CCDC88B: variants seen among roughly 807,000 people sequenced by gnomAD.
CCDC88B encodes coiled-coil and HOOK domain protein 88B.
In CCDC88B, 138 loss-of-function variants were observed where a neutral mutation model predicts 183.7. That is an observed-to-expected ratio of 0.75 (90% CI 0.65 to 0.87). The LOEUF (loss-of-function observed/expected upper bound fraction) is 0.87. CCDC88B is among the 40% of genes least tolerant of loss of function. The pLI is 0.00. For synonymous variants in CCDC88B, 835 were observed against 867.5 expected (o/e 0.96, Z 0.66); for missense variants, 1,822 against 1,965.6 (o/e 0.93, Z 1.38).
In CCDC88B at chr11:64,349,331, G is replaced by T; in HGVS notation, c.2617G>T (p.Glu873Ter). 6.2e-7 allele frequency: 1 copy of T among 1,604,020 alleles called. No homozygotes were observed. ...ERREKEALQA[E>*]LEKAVVRGKE... is the part of the protein sequence containing the mutation. ...CTGAGCCTGCTCTGCTTGCCCTCAG[G>T]AGCTGGAGAAAGCTGTGGTGCGGGG... The change falls in exon 15 of 27, where the codon GAG becomes TAG. Residue 873 changes from glutamate (E) to a stop codon, truncating the protein, a stop_gained and splice_region_variant. Coordinates refer to ENST00000356786, the MANE Select transcript of CCDC88B (RefSeq NM_032251.6). LOFTEE classifies it high-confidence loss of function.
rs1184816719 is a variant in CCDC88B, at chr11:64,349,255, GCTCTCTTGA to G, written c.2617-70_2617-62del. The G allele has an allele frequency of 2.0e-6, 3 of 1,470,356 alleles. No individual in the cohort carries two copies. The African/African-American group carries it at 4.2e-5, about 21-fold the overall frequency. 91.1% of individuals were successfully genotyped at this position (1,470,356 alleles called of 1,614,324 possible). On this transcript the variant is annotated intron_variant, in intron 14 of 26. Coordinates refer to ENST00000356786, the MANE Select transcript of CCDC88B (RefSeq NM_032251.6). ...ATGGCAGGTCAAGGACAGAAAGGCA[GCTCTCTTGA>G]CTCTCAGGCCTCTGTCTCCGGCTGT...
chr11:64,342,275 A>T lies in CCDC88B; in HGVS notation c.822-19A>T, dbSNP rs1289776127. ...GGTTGTGGGCCCCCAGACCCTCCCT[A>T]GACTCCCCTTCCCTCCAGGGAGGAG... On this transcript the variant is annotated intron_variant, in intron 8 of 26. Coordinates refer to ENST00000356786, the MANE Select transcript of CCDC88B (RefSeq NM_032251.6). The T allele has an allele frequency of 6.3e-7, 1 of 1,576,704 alleles. No individual in the cohort carries two copies.
intron 14 of CCDC88B, among the ~76,000 whole-genome samples, chr11:64,348,307 T>A (rs369995899): frequency 1.2e-4 from 12 of 102,098 alleles, no homozygotes; most frequent in South Asian, 6.8e-4. Flanking sequence ...AGAAGGTGGC[T>A]GGCCAGGGGG....
chr11:64,355,109 T>A (rs1268235769), intron 24 of CCDC88B, 85 bp from the exon 25 acceptor site: 10 of 461,490 alleles, frequency 2.2e-5, no homozygotes, highest in Admixed American at 4.5e-4. Context: ...AGCCTCAGCC[T>A]CCCCCCATTC....
Position 64,343,837 on chromosome 11 carries a change from C to T in CCDC88B, c.1378C>T (p.Arg460Trp), listed in dbSNP as rs748348228. The T allele has an allele frequency of 2.9e-5, 46 of 1,596,972 alleles. No homozygotes were observed. Among genetic ancestry groups the T allele is most frequent in the South Asian group, 5.6e-5 (5 of 88,588 alleles). Residue 460 changes from arginine (R) to tryptophan (W), a missense_variant, in exon 13 of 27, where the codon CGG becomes TGG. Physicochemically the swap from Arg to Trp is moderately radical, Grantham distance 101 (BLOSUM62 -3). Coordinates refer to ENST00000356786, the MANE Select transcript of CCDC88B (RefSeq NM_032251.6). ...TGAGGTGAGGGAGGCAGAGGCTGGG[C>T]GGCTTCGGACCCTTGAGAGGGAGAA... ...QDEVREAEAG[R>W]LRTLERENRE...
At position 64,342,613 on chromosome 11, in the gene CCDC88B, T is replaced by C; in HGVS notation, c.995T>C (p.Leu332Pro). The change falls in exon 10 of 27, where the codon CTG (leucine) becomes CCG (proline). Residue 332 changes from leucine (L) to proline (P), a missense_variant. Leu to Pro is a moderately conservative substitution (Grantham distance 98). Transcript: ENST00000356786. ...GAGCGGGCCGGCCGCCTGCCCCGCCTGCAGGAGGAGCTGAGGCGCTGCCGC... is the reference window on the plus strand; with the variant it reads ...GAGCGGGCCGGCCGCCTGCCCCGCCCGCAGGAGGAGCTGAGGCGCTGCCGC... ...LRERAGRLPRLQEELRRCRER... is the reference protein window; with the variant it reads ...LRERAGRLPRPQEELRRCRER... 1 of 1,530,790 alleles carries C rather than the reference T, an allele frequency of 6.5e-7. No homozygotes were observed. Among genetic ancestry groups the C allele is most frequent in the South Asian group, 1.2e-5 (1 of 83,750 alleles). The allele number at this position is 1,530,790 out of a possible 1,614,324, so 94.8% of individuals were successfully genotyped here.
chr11:64,353,092 G>A lies in CCDC88B; in HGVS notation c.3539G>A (p.Gly1180Asp). The change falls in exon 21 of 27, where the codon GGT becomes GAT. Residue 1180 changes from glycine to aspartate, a missense_variant. Transcript: ENST00000356786. The part of the protein sequence containing the change: ...MLLAELSRER[G>D]ELQGERGELR... ...CTGGCAGAGTTGTCTCGGGAGCGGG[G>A]TGAGCTGCAGGGTGAACGCGGGGAG... 6.2e-7 allele frequency: 1 copy of A among 1,607,074 alleles called. No individual in the cohort carries two copies. Among genetic ancestry groups the A allele is most frequent in the Non-Finnish European group, 8.5e-7 (1 of 1,177,588 alleles).
chr11:64,342,808 G>A, intron 10 of CCDC88B, 128 bp downstream of exon 10: 1 of 1,178,868 alleles, frequency 8.5e-7, no homozygotes, highest in Middle Eastern at 2.4e-4. Flanking sequence ...GGAGAAATGG[G>A]TGAGGACAAA....
At chr11:64,353,585 T>C in intron 22 of CCDC88B, 89 bp downstream of exon 22, 1 of 1,577,180 alleles carries the variant, frequency 6.3e-7, no homozygotes, top group Non-Finnish European at 8.6e-7. Context: ...AGGGACAGGG[T>C]TGGAGCTGAC....
Position 64,341,195 on chromosome 11 carries a change from C to T in CCDC88B, c.388+17C>T, listed in dbSNP as rs778414269. The T allele has an allele frequency of 1.9e-6, 3 of 1,614,098 alleles. No homozygotes were observed. The Admixed American group carries it at 5.0e-5, about 27-fold the overall frequency. ...CTCTCTCAGGTGCTCTCCCCACCCA[C>T]ACCCTCCTGCCTCTGCCCCCGCACT... On this transcript the variant is annotated intron_variant, in intron 4 of 26. Coordinates refer to ENST00000356786, the MANE Select transcript of CCDC88B (RefSeq NM_032251.6).
chr11:64,350,873 A>G (rs1412844992), intron 16 of CCDC88B, among the ~76,000 whole-genome samples: 1 of 152,198 alleles, frequency 6.6e-6, no homozygotes, highest in Non-Finnish European at 1.5e-5. Context: ...CTGTCTCAAA[A>G]CAAAAACAAA....
chr11:64,354,679 G>C (rs1421529170), intron 24 of CCDC88B, among the ~76,000 whole-genome samples: 1 of 56,410 alleles, frequency 1.8e-5, no homozygotes, highest in Non-Finnish European at 3.4e-5. Context: ...CCCCCTCCCT[G>C]CATGAGCCTC....
intron 22 of CCDC88B, 22 bp downstream of exon 22, chr11:64,353,518 G>T: frequency 6.2e-7 from 1 of 1,606,958 alleles, no homozygotes. Context: ...GCCTGGGAGC[G>T]GGGTGGGGCC....
chr11:64,357,106 C>G lies in CCDC88B; in HGVS notation c.*12C>G. 1 of 1,613,724 alleles carries G rather than the reference C, an allele frequency of 6.2e-7. No homozygotes were observed. The highest frequency in any genetic ancestry group is 1.3e-5 in the African/African-American group (1 of 75,028). ...CCCTCAGCCAGTGACACCGTGGGAA[C>G]AGCAGGCTTGGGAGTGCAGCCTTCT... On this transcript the variant is annotated 3_prime_UTR_variant, in exon 27 of 27. Transcript: ENST00000356786.
In CCDC88B at chr11:64,341,158, T is replaced by C. The variant is rs764980094; in HGVS notation, c.368T>C (p.Leu123Ser). ...ILSPPPDLQTLGFDPLSEEAV... is the reference protein window; with the variant it reads ...ILSPPPDLQTSGFDPLSEEAV... The stretch of plus-strand genomic sequence containing the variant: ...TCGCCACCCCCAGACCTCCAGACAT[T>C]GGGATTTGACCCTCTCTCAGGTGCT... Residue 123 changes from leucine (L) to serine (S), a missense_variant, in exon 4 of 27, where the codon TTG becomes TCG. Physicochemically the swap from Leu to Ser is moderately radical, Grantham distance 145. Transcript: ENST00000356786. The C allele has an allele frequency of 6.2e-7, 1 of 1,613,858 alleles. No individual in the cohort carries two copies. Among genetic ancestry groups the C allele is most frequent in the Non-Finnish European group, 8.5e-7 (1 of 1,179,970 alleles).
At chr11:64,348,612 A>G (rs2036208092) in intron 14 of CCDC88B, among the ~76,000 whole-genome samples, 1 of 152,212 alleles carries the variant, frequency 6.6e-6, no homozygotes, top group African/African-American at 2.4e-5. Context: ...TAAGCCAGGA[A>G]GGTAGTTTTC....
chr11:64,345,794 G>T (rs530650712), intron 14 of CCDC88B, among the ~76,000 whole-genome samples: 3 of 152,180 alleles, frequency 2.0e-5, no homozygotes, highest in Non-Finnish European at 4.4e-5. Context: ...ATTACTTGAG[G>T]TCAGGAGTTC....
chr11:64,341,325 A>G lies in CCDC88B; in HGVS notation c.444A>G (p.Val148=). ...GVLRLLLGAS[V]QCEHRELFIR... ...TTCGGCTACTGTTGGGAGCGTCAGT[A>G]CAGGTGAGCCGGCGGTGGGAAGGAA... The change falls in exon 5 of 27, where the codon GTA becomes GTG. Residue 148 remains valine (V), a synonymous_variant. Coordinates refer to ENST00000356786, the MANE Select transcript of CCDC88B (RefSeq NM_032251.6). The G allele has an allele frequency of 1.2e-6, 2 of 1,614,060 alleles. No individual in the cohort carries two copies. The highest frequency in any genetic ancestry group is 2.2e-5 in the South Asian group (2 of 91,082).
chr11:64,341,573 A>G (rs1422683095), intron 6 of CCDC88B, 26 bp from the exon 7 acceptor site: 1 of 1,607,806 alleles, frequency 6.2e-7, no homozygotes, highest in Non-Finnish European at 8.5e-7. Context: ...CGCGGCTTCC[A>G]CTGAACTGCT....
Sources: allele counts gnomAD v4.1 joint callset (sites outside exome capture counted in the v4.1 genomes callset), GRCh38; gene constraint gnomAD v4.1.1; transcripts MANE v1.5; gene names NCBI Gene and HGNC (gene_info 2026-07-23, HGNC 2026-07-21).